ZNF431: variants seen among roughly 807,000 people sequenced by gnomAD.
The protein encoded by ZNF431 is zinc finger protein 431.
In ZNF431, 34 loss-of-function variants were observed where a neutral mutation model predicts 57.0. The ratio of observed to expected loss-of-function variants is 0.60; its 90% CI spans 0.45 to 0.79. The LOEUF (loss-of-function observed/expected upper bound fraction) is 0.79, where lower values mean the gene tolerates loss of function less well. Ranked by LOEUF, ZNF431 falls within the 30% of genes least tolerant of loss-of-function variation. The pLI is 0.00. For synonymous variants in ZNF431, 207 were observed against 220.3 expected, an observed-to-expected ratio of 0.94 and a Z score of 0.54; for missense variants, 607 against 667.1, an observed-to-expected ratio of 0.91 and a Z score of 0.99.
At chr19:21,143,077 A>G (rs1969984665) in intron 1 of ZNF431, among the ~76,000 whole-genome samples, 1 of 152,152 alleles carries the variant, frequency 6.6e-6, no homozygotes. Context: ...GCTTGCAGTA[A>G]GATACTAAAT....
chr19:21,166,652 A>C (rs188147689), intron 3 of ZNF431, among the ~76,000 whole-genome samples, 191 bp downstream of exon 3: 107 of 152,268 alleles, frequency 7.0e-4, no homozygotes, highest in African/African-American at 2.4e-3. Flanking sequence ...TGAACTTTCC[A>C]CATTCCTGAG....
intron 2 of ZNF431, among the ~76,000 whole-genome samples, chr19:21,152,820 CTT>C (rs1181214202): frequency 6.6e-6 from 1 of 152,124 alleles, no homozygotes; most frequent in East Asian, 1.9e-4. Flanking sequence ...TCAGAGGTCT[CTT>C]AAGTATAGTC....
chr19:21,167,777 G>T, intron 4 of ZNF431, 111 bp downstream of exon 4: 2 of 636,610 alleles, frequency 3.1e-6, no homozygotes, highest in Non-Finnish European at 4.7e-6. Flanking sequence ...TATAAAGCAT[G>T]TAGTTTCTGG....
rs1167373391 is a variant in ZNF431 at position 21,167,483 on chromosome 19, C to G, written c.224-88C>G. The G allele has an allele frequency of 2.5e-5, 25 of 1,006,026 alleles. No individual in the cohort carries two copies. The Admixed American group carries it at 7.6e-4, about 30-fold the overall frequency. 62.3% of individuals were successfully genotyped at this position (1,006,026 alleles called of 1,614,324 possible). A position where few individuals can be genotyped will look rare whatever the true frequency, so the allele number is the denominator to read the frequency against. On this transcript the variant is annotated intron_variant, in intron 3 of 4. Coordinates refer to ENST00000311048, the MANE Select transcript of ZNF431 (RefSeq NM_133473.4). The stretch of plus-strand genomic sequence containing the variant: ...CTTTGGATTAATTTTCTAAAATATT[C>G]TATCACATCCTTTTTACTGAGCACA...
At chr19:21,153,605 T>C (rs779035146) in intron 2 of ZNF431, among the ~76,000 whole-genome samples, 22 of 152,374 alleles carry the variant, frequency 1.4e-4, no homozygotes, top group South Asian at 4.1e-4. Flanking sequence ...CATTTGACTT[T>C]TCCTGGGTTG....
At chr19:21,161,498 A>G (rs570834310) in intron 2 of ZNF431, among the ~76,000 whole-genome samples, 44 of 152,306 alleles carry the variant, frequency 2.9e-4, no homozygotes, top group African/African-American at 1.0e-3. Flanking sequence ...ATTATATGTT[A>G]TAACATTGAA....
intron 2 of ZNF431, among the ~76,000 whole-genome samples, chr19:21,165,160 A>G (rs1034429406): frequency 3.9e-5 from 6 of 152,136 alleles, no homozygotes; most frequent in Non-Finnish European, 7.4e-5. Flanking sequence ...CTTATATGCA[A>G]TGCAGAATTC....
chr19:21,143,737 A>C (rs772819053), intron 2 of ZNF431, 94 bp downstream of exon 2: 20 of 834,314 alleles, frequency 2.4e-5, no homozygotes, highest in Non-Finnish European at 3.4e-5. Context: ...GCTGGCACTG[A>C]TGGGAAAACA....
At chr19:21,157,594 G>C (rs1970452327) in intron 2 of ZNF431, among the ~76,000 whole-genome samples, 3 of 148,894 alleles carry the variant, frequency 2.0e-5, no homozygotes, top group African/African-American at 7.4e-5. Flanking sequence ...TGTAGTGGTG[G>C]GACCTTGGCT....
rs1047247100 is a variant in ZNF431, at chr19:21,185,301, A to G, written c.*1267A>G. The G allele has an allele frequency of 5.9e-5, 9 of 152,214 alleles. No individual in the cohort carries two copies. The highest frequency in any genetic ancestry group is 1.3e-4 in the Admixed American group (2 of 15,282). The allele number at this position is 152,214 out of a possible 1,614,324, so 9.4% of individuals were successfully genotyped here. A position where few individuals can be genotyped will look rare whatever the true frequency, so the allele number is the denominator to read the frequency against. ...AGAGTTATAATTACATTCAAAGTAT[A>G]CTTTATTTCTTGAAAAATATTACAG... On this transcript the variant is annotated 3_prime_UTR_variant, in exon 5 of 5. Transcript: ENST00000311048.
intron 2 of ZNF431, among the ~76,000 whole-genome samples, chr19:21,150,747 T>G (rs2144937277): frequency 6.6e-6 from 1 of 152,328 alleles, no homozygotes; most frequent in Non-Finnish European, 1.5e-5. Context: ...TATTTCCCCA[T>G]AATTGCCATT....
chr19:21,144,896 A>G (rs1322632636), intron 2 of ZNF431, among the ~76,000 whole-genome samples: 3 of 152,198 alleles, frequency 2.0e-5, no homozygotes, highest in Non-Finnish European at 2.9e-5. Flanking sequence ...TCTGAGTTTC[A>G]TGCTACATTT....
Position 21,167,645 on chromosome 19 carries a change from G to C in ZNF431, c.298G>C (p.Glu100Gln). ...EKEPWNMKRH[E>Q]MVDEPPAMCS... ...AGAGCCCTGGAATATGAAGAGACAT[G>C]AGATGGTGGATGAACCCCCAGGTAG... The change falls in exon 4 of 5, where the codon GAG (glutamate) becomes CAG (glutamine). Residue 100 changes from glutamate (E) to glutamine (Q), a missense_variant. Physicochemically the swap from Glu to Gln is conservative, Grantham distance 29. Coordinates refer to ENST00000311048, the MANE Select transcript of ZNF431 (RefSeq NM_133473.4). The C allele has an allele frequency of 6.3e-7, 1 of 1,585,748 alleles. No individual in the cohort carries two copies. The highest frequency in any genetic ancestry group is 8.6e-7 in the Non-Finnish European group (1 of 1,164,396).
rs1216558133 is a variant in ZNF431 at position 21,186,828 on chromosome 19, TTTTA to T, written c.*2799_*2802del. 6.6e-6 allele frequency: 1 copy of T among 152,172 alleles called. No homozygotes were observed. The highest frequency in any genetic ancestry group is 1.5e-5 in the Non-Finnish European group (1 of 68,014). The allele number at this position is 152,172 out of a possible 1,614,324, so 9.4% of individuals were successfully genotyped here. On this transcript the variant is annotated 3_prime_UTR_variant, in exon 5 of 5. Transcript: ENST00000311048. The stretch of plus-strand genomic sequence containing the variant: ...TCCAAAAGTAGTGTATTAAGTTACA[TTTTA>T]TTTAGTTAGAGCACTCCATTTTGTT...
chr19:21,152,637 C>G (rs1413175638), intron 2 of ZNF431, among the ~76,000 whole-genome samples: 3 of 152,186 alleles, frequency 2.0e-5, no homozygotes, highest in Non-Finnish European at 4.4e-5. Flanking sequence ...AATCCAAGTT[C>G]AGTCAAGCAT....
intron 2 of ZNF431, among the ~76,000 whole-genome samples, chr19:21,165,957 G>C (rs192818869): frequency 2.0e-5 from 3 of 152,130 alleles, no homozygotes; most frequent in East Asian, 3.9e-4. Context: ...CCAGTTTATC[G>C]TGCACATTTA....
At chr19:21,159,685 A>G (rs768411858) in intron 2 of ZNF431, among the ~76,000 whole-genome samples, 1 of 152,194 alleles carries the variant, frequency 6.6e-6, no homozygotes, top group Non-Finnish European at 1.5e-5. Flanking sequence ...CTATTCTTAT[A>G]TAATGAGTTG....
Position 21,166,442 on chromosome 19 carries a change from C to A in ZNF431, c.204C>A (p.Tyr68Ter). The change falls in exon 3 of 5, where the codon TAC becomes TAA. Residue 68 changes from tyrosine (Y) to a stop codon, truncating the protein, a stop_gained. Coordinates refer to ENST00000311048, the MANE Select transcript of ZNF431 (RefSeq NM_133473.4). LOFTEE classifies it high-confidence loss of function. Reference sequence around the variant, plus strand: ...ATATGAATGTGATGTTAGAAAACTACAAAAACCTGGTCTTCTTGGGTGAGA... The same window carrying A: ...ATATGAATGTGATGTTAGAAAACTAAAAAAACCTGGTCTTCTTGGGTGAGA... ...NLYMNVMLEN[Y>*]KNLVFLGVAV... The A allele has an allele frequency of 6.2e-7, 1 of 1,609,264 alleles. No homozygotes were observed. Among genetic ancestry groups the A allele is most frequent in the South Asian group, 1.1e-5 (1 of 89,810 alleles).
chr19:21,172,333 C>T (rs1286595739), intron 4 of ZNF431, among the ~76,000 whole-genome samples: 1 of 148,134 alleles, frequency 6.8e-6, no homozygotes, highest in Non-Finnish European at 1.5e-5. Context: ...GAGACTGAGG[C>T]AGGAGAGTCA....
Sources: allele counts gnomAD v4.1 joint callset (sites outside exome capture counted in the v4.1 genomes callset), GRCh38; gene constraint gnomAD v4.1.1; transcripts MANE v1.5; gene names NCBI Gene and HGNC (gene_info 2026-07-23, HGNC 2026-07-21).